Variants in CDK13 observed in about 807,000 individuals in gnomAD.
CDK13 encodes the protein cyclin dependent kinase 13.
Under a neutral mutation model 137.6 loss-of-function variants are expected in CDK13, and 40 were observed. The observed-to-expected ratio is 0.29, with a 90% CI of 0.23 to 0.38. CDK13 has a LOEUF of 0.38. Among genes scored for constraint, CDK13 ranks in the 10% least tolerant of loss-of-function variants. The pLI is 1.00. For synonymous variants in CDK13, 869 were observed against 760.1 expected (o/e 1.14, Z -2.36); for missense variants, 1,704 against 1,951.8 (o/e 0.87, Z 2.39).
intron 1 of CDK13, chr7:39,952,906 C>T (rs1400399335): frequency 6.6e-6 from 1 of 152,100 alleles, no homozygotes; most frequent in Admixed American, 6.5e-5. Flanking sequence ...GCATTAAAAA[C>T]AACTTTCGAG....
intron 5 of CDK13, among the ~76,000 whole-genome samples, chr7:40,013,016 T>A (rs1245742324): frequency 1.3e-5 from 2 of 152,024 alleles, no homozygotes; most frequent in African/African-American, 4.8e-5. Context: ...AACCCAAGTG[T>A]CCTTGGATGG....
chr7:40,064,284 C>CA (rs1388646828), intron 9 of CDK13, among the ~76,000 whole-genome samples: 4,910 of 59,392 alleles, frequency 0.083, 324 homozygotes, highest in African/African-American at 0.15. Flanking sequence ...AATTATGTCT[C>CA]AAAAAAAAAA....
chr7:39,980,686 T>A (rs953286963), intron 1 of CDK13, among the ~76,000 whole-genome samples: 1 of 152,226 alleles, frequency 6.6e-6, no homozygotes, highest in South Asian at 2.1e-4. Flanking sequence ...CATTGAGTGA[T>A]GCTGCTCTGT....
chr7:40,087,919 G>T (rs1786827273), intron 11 of CDK13, among the ~76,000 whole-genome samples: 1 of 151,950 alleles, frequency 6.6e-6, no homozygotes, highest in African/African-American at 2.4e-5. Flanking sequence ...AAAAGCCAAA[G>T]AAAAATAGAT....
At chr7:40,043,572 A>G (rs1785661975) in intron 5 of CDK13, among the ~76,000 whole-genome samples, 1 of 152,162 alleles carries the variant, frequency 6.6e-6, no homozygotes, top group Non-Finnish European at 1.5e-5. Context: ...GTAATCTGCC[A>G]CTTTGGGAGC....
intron 5 of CDK13, among the ~76,000 whole-genome samples, chr7:40,032,456 A>C (rs1204820235): frequency 2.0e-5 from 3 of 152,190 alleles, no homozygotes; most frequent in Non-Finnish European, 4.4e-5. Context: ...CTTGTATAAA[A>C]CGTCATTGCC....
At position 39,950,476 on chromosome 7, in the gene CDK13, A is replaced by G; in HGVS notation, c.-166A>G. 3.2e-6 allele frequency: 4 copies of G among 1,256,592 alleles called. No individual in the cohort carries two copies. The highest frequency in any genetic ancestry group is 3.0e-6 in the Non-Finnish European group (3 of 1,001,902). 77.8% of individuals were successfully genotyped at this position (1,256,592 alleles called of 1,614,324 possible). ...GCTGCGTACCCCACTGTGACCTGGA[A>G]CCCAGGGACCCGAGTCCCGACCCGG... On this transcript the variant is annotated 5_prime_UTR_variant, in exon 1 of 14. Transcript: ENST00000181839.
At chr7:39,995,380 G>GT (rs1784539242) in intron 2 of CDK13, among the ~76,000 whole-genome samples, 1 of 152,136 alleles carries the variant, frequency 6.6e-6, no homozygotes, top group Non-Finnish European at 1.5e-5. Flanking sequence ...AGAGACTATA[G>GT]TTTCCTAAAT....
chr7:39,995,332 T>G (rs1453756038), intron 2 of CDK13, among the ~76,000 whole-genome samples: 1 of 152,188 alleles, frequency 6.6e-6, no homozygotes, highest in Non-Finnish European at 1.5e-5. Context: ...ATTTGAATCT[T>G]CAAATAAGAA....
intron 5 of CDK13, among the ~76,000 whole-genome samples, chr7:40,029,909 C>T (rs1011787438): frequency 2.0e-5 from 3 of 152,120 alleles, no homozygotes; most frequent in Non-Finnish European, 2.9e-5. Context: ...GCCTTGGCCT[C>T]CCAAAGTACT....
At chr7:39,969,966 A>G (rs942565834) in intron 1 of CDK13, among the ~76,000 whole-genome samples, 1 of 152,024 alleles carries the variant, frequency 6.6e-6, no homozygotes, top group African/African-American at 2.4e-5. Context: ...TTCCAAGAGC[A>G]AACGTTTTAA....
chr7:39,963,148 C>G (rs1229433230), intron 1 of CDK13, among the ~76,000 whole-genome samples: 1 of 151,992 alleles, frequency 6.6e-6, no homozygotes, highest in Non-Finnish European at 1.5e-5. Flanking sequence ...TAGTTTTTTC[C>G]AATTCTGTGA....
chr7:40,074,677 TAG>T (rs1466949340), intron 9 of CDK13, among the ~76,000 whole-genome samples: 2 of 151,786 alleles, frequency 1.3e-5, no homozygotes, highest in Non-Finnish European at 2.9e-5. Context: ...GGTCTCAAAT[TAG>T]ATGGATGTAG....
intron 5 of CDK13, among the ~76,000 whole-genome samples, chr7:40,024,645 GTTTTTTTTTT>G (rs58010602): frequency 8.8e-4 from 44 of 50,276 alleles, no homozygotes; most frequent in African/African-American, 2.8e-3. Flanking sequence ...GTAGCTCTGT[GTTTTTTTTTT>G]TTTTTTTTTT....
At chr7:39,960,920 A>G (rs920512531) in intron 1 of CDK13, among the ~76,000 whole-genome samples, 1 of 152,146 alleles carries the variant, frequency 6.6e-6, no homozygotes, top group African/African-American at 2.4e-5. Context: ...TATGTGTGTG[A>G]TGTTTTGGTG....
Position 39,976,323 on chromosome 7 carries a change from T to TCTCTCTCACACACA in CDK13, c.1212-11275_1212-11274insTCTCTCACACACAC. 2.1e-3 allele frequency among the ~76,000 whole-genome samples: 85 copies of TCTCTCTCACACACA among 39,570 alleles called. 1 individual carries two copies. Among genetic ancestry groups the TCTCTCTCACACACA allele is most frequent in the South Asian group, 3.5e-3 (3 of 866 alleles). 26.0% of individuals were successfully genotyped at this position (39,570 alleles called of 152,430 possible). ...CTCTCTCTCTCTCTCTCTCTCTCTC[T>TCTCTCTCACACACA]CACACACACACACACACACACACAC... On this transcript the variant is annotated intron_variant, in intron 1 of 13. Transcript: ENST00000181839.
rs150235453 is a variant in CDK13, at chr7:40,094,329, C to A, written c.3888C>A (p.Ala1296=). ...TTSSSLTDPH[A]GVKAALLQLL... is the part of the protein sequence containing the mutation. ...GTTCTTCATTAACTGACCCTCATGCCGGAGTGAAGGCAGCCCTGTTACAGC... is the reference window on the plus strand; with the variant it reads ...GTTCTTCATTAACTGACCCTCATGCAGGAGTGAAGGCAGCCCTGTTACAGC... Residue 1296 remains alanine, a synonymous_variant, in exon 14 of 14, where the codon GCC becomes GCA. Coordinates refer to ENST00000181839, the MANE Select transcript of CDK13 (RefSeq NM_003718.5). 8.7e-6 allele frequency: 14 copies of A among 1,613,378 alleles called. No homozygotes were observed. The East Asian group carries it at 3.1e-4, about 36-fold the overall frequency.
chr7:40,042,300 C>T (rs554187354), intron 5 of CDK13, among the ~76,000 whole-genome samples: 1 of 151,482 alleles, frequency 6.6e-6, no homozygotes, highest in African/African-American at 2.4e-5. Context: ...AGGCTGGTCT[C>T]GAACTCCTGA....
At chr7:40,023,984 A>G (rs556543414) in intron 5 of CDK13, among the ~76,000 whole-genome samples, 1 of 152,328 alleles carries the variant, frequency 6.6e-6, no homozygotes, top group South Asian at 2.1e-4. Flanking sequence ...TCTCTTAAAT[A>G]GAAGATATTG....
Sources: allele counts gnomAD v4.1 joint callset (sites outside exome capture counted in the v4.1 genomes callset), GRCh38; gene constraint gnomAD v4.1.1; transcripts MANE v1.5; gene names NCBI Gene and HGNC (gene_info 2026-07-23, HGNC 2026-07-21).